Variants in ARHGEF10L observed in about 807,000 individuals in gnomAD.
ARHGEF10L encodes the protein rho guanine nucleotide exchange factor 10-like protein.
In ARHGEF10L, 69 loss-of-function variants were observed where a neutral mutation model predicts 141.2. The observed-to-expected ratio is 0.49, with a 90% CI of 0.40 to 0.60. ARHGEF10L has a LOEUF of 0.60. Ranked by LOEUF, ARHGEF10L falls within the 20% of genes least tolerant of loss-of-function variation. The pLI, the probability that ARHGEF10L is intolerant of heterozygous loss-of-function variation, is 0.00. For missense variants in ARHGEF10L, 1,482 were observed against 1,734.3 expected (o/e 0.85, Z 2.58); for synonymous variants, 711 against 718.5 (o/e 0.99, Z 0.17).
At chr1:17,590,586 T>A (rs906736802) in intron 4 of ARHGEF10L, among the ~76,000 whole-genome samples, 4 of 152,188 alleles carry the variant, frequency 2.6e-5, no homozygotes, top group Admixed American at 2.6e-4. Context: ...CCAAACCTCA[T>A]GGCTTAAGTG....
In ARHGEF10L at chr1:17,634,978, C is replaced by T; in HGVS notation, c.1889C>T (p.Ser630Leu). ...AAGGACAATGTGCTCATCCAGCACT[C>T]AGGCGCCAAGAAGGCCTCTGCCTCA... ...YDKDNVLIQH[S>L]GAKKASASGQ... Residue 630 changes from serine to leucine, a missense_variant, in exon 18 of 29, where the codon TCA becomes TTA. Physicochemically the swap from Ser to Leu is moderately radical, Grantham distance 145 (BLOSUM62 -2). Coordinates refer to ENST00000361221, the MANE Select transcript of ARHGEF10L (RefSeq NM_018125.4). 1 of 1,614,090 alleles carries T rather than the reference C, an allele frequency of 6.2e-7. No homozygotes were observed. The highest frequency in any genetic ancestry group is 8.5e-7 in the Non-Finnish European group (1 of 1,179,966).
chr1:17,648,250 C>A (rs74061906), intron 21 of ARHGEF10L, among the ~76,000 whole-genome samples: 2,845 of 152,334 alleles, frequency 0.019, 86 homozygotes, highest in African/African-American at 0.065. Flanking sequence ...GCATTTCTAG[C>A]ATTCCTATTT....
intron 15 of ARHGEF10L, 94 bp from the exon 16 acceptor site, chr1:17,632,227 T>C: frequency 6.6e-7 from 1 of 1,518,156 alleles, no homozygotes; most frequent in Non-Finnish European, 9.0e-7. Context: ...AGCCTCAGTC[T>C]CCCTTTCTGC....
chr1:17,527,756 G>A, the ARHGEF10L span, among the ~76,000 whole-genome samples: 2 of 151,880 alleles, frequency 1.3e-5, no homozygotes, highest in Non-Finnish European at 2.9e-5. Context: ...TTTCCAGTTA[G>A]CAGAAAAACT....
intron 25 of ARHGEF10L, among the ~76,000 whole-genome samples, chr1:17,663,394 A>G (rs1010702371): frequency 6.6e-6 from 1 of 152,138 alleles, no homozygotes; most frequent in Non-Finnish European, 1.5e-5. Context: ...TCTACTAAAA[A>G]TACAAAAAAT....
At chr1:17,530,782 A>C in the ARHGEF10L span, among the ~76,000 whole-genome samples, 4 of 152,024 alleles carry the variant, frequency 2.6e-5, no homozygotes, top group Non-Finnish European at 5.9e-5. Flanking sequence ...GGGGAGGCTG[A>C]GGTGGGTGGA....
intron 25 of ARHGEF10L, among the ~76,000 whole-genome samples, chr1:17,662,466 C>G (rs558697829): frequency 6.6e-6 from 1 of 152,342 alleles, no homozygotes; most frequent in Admixed American, 6.5e-5. Context: ...GACTGCCCTG[C>G]TCTGCCTGCT....
At chr1:17,643,571 C>T (rs1035060650) in intron 21 of ARHGEF10L, among the ~76,000 whole-genome samples, 1 of 152,236 alleles carries the variant, frequency 6.6e-6, no homozygotes, top group Admixed American at 6.5e-5. Flanking sequence ...TCCTCAGCAC[C>T]ATGGGAAATG....
At position 17,625,731 on chromosome 1, in the gene ARHGEF10L, C is replaced by T. The variant is rs1025132437; in HGVS notation, c.1318-225C>T. Among the ~76,000 whole-genome samples the T allele has an allele frequency of 4.6e-5, 7 of 152,200 alleles. No homozygotes were observed. Among genetic ancestry groups the T allele is most frequent in the Non-Finnish European group, 1.0e-4 (7 of 68,036 alleles). ...CTTTAGTTCAGAGACCTTAAGATGACTGCTTTAGTCTCCTGAGGGTGCGCG... is the reference window on the plus strand; with the variant it reads ...CTTTAGTTCAGAGACCTTAAGATGATTGCTTTAGTCTCCTGAGGGTGCGCG... On this transcript the variant is annotated intron_variant, in intron 13 of 28. Coordinates refer to ENST00000361221, the MANE Select transcript of ARHGEF10L (RefSeq NM_018125.4). The surrounding 1 kb of genome is among the most constrained non-coding windows in gnomAD (Gnocchi z 4.5).
chr1:17,697,120 G>T lies in ARHGEF10L; in HGVS notation c.3580G>T (p.Ala1194Ser), dbSNP rs1470947423. The T allele has an allele frequency of 4.3e-6, 7 of 1,610,462 alleles. No individual in the cohort carries two copies. The highest frequency in any genetic ancestry group is 5.9e-6 in the Non-Finnish European group (7 of 1,178,520). ...PGPLLSMREP[A>S]PADGAALEHS... is the part of the protein sequence containing the mutation. ...CCCGCTGCTCTCCATGCGGGAGCCGGCGCCTGCTGATGGCGCAGCTTTGGA... is the reference window on the plus strand; with the variant it reads ...CCCGCTGCTCTCCATGCGGGAGCCGTCGCCTGCTGATGGCGCAGCTTTGGA... Residue 1194 changes from alanine (A) to serine (S), a missense_variant, in exon 29 of 29, where the codon GCG becomes TCG. Physicochemically the swap from Ala to Ser is moderately conservative, Grantham distance 99. Coordinates refer to ENST00000361221, the MANE Select transcript of ARHGEF10L (RefSeq NM_018125.4). The surrounding 1 kb of genome is among the most constrained non-coding windows in gnomAD (Gnocchi z 4.8).
chr1:17,581,977 C>T (rs2078610283), intron 2 of ARHGEF10L, among the ~76,000 whole-genome samples: 1 of 152,106 alleles, frequency 6.6e-6, no homozygotes, highest in South Asian at 2.1e-4. Context: ...CTTGTATTTT[C>T]TCACAAGGAC....
chr1:17,563,411 T>C (rs1557711375), intron 1 of ARHGEF10L, among the ~76,000 whole-genome samples: 1 of 152,032 alleles, frequency 6.6e-6, no homozygotes, highest in Non-Finnish European at 1.5e-5. Flanking sequence ...ATTTTTGTAT[T>C]TTTTGTAGAC....
rs993415284 is a variant in ARHGEF10L, at chr1:17,598,691, G to A, written c.258-3436G>A. On this transcript the variant is annotated intron_variant, in intron 4 of 28. Transcript: ENST00000361221. ...AACACATGGACTTTTTTTGTCAGGGGAACACAGACATTCATACCATAGCAG... is the reference window on the plus strand; with the variant it reads ...AACACATGGACTTTTTTTGTCAGGGAAACACAGACATTCATACCATAGCAG... Among the ~76,000 whole-genome samples, 7 of 152,062 alleles carry A rather than the reference G, an allele frequency of 4.6e-5. No individual in the cohort carries two copies. The East Asian group carries it at 1.3e-3, about 29-fold the overall frequency.
intron 1 of ARHGEF10L, among the ~76,000 whole-genome samples, chr1:17,564,362 G>A (rs550934913): frequency 1.3e-5 from 2 of 152,304 alleles, no homozygotes; most frequent in East Asian, 1.9e-4. Flanking sequence ...GGGCAGTGCC[G>A]CTGCAACACT....
intron 15 of ARHGEF10L, among the ~76,000 whole-genome samples, chr1:17,631,279 A>G (rs2060673864): frequency 6.6e-6 from 1 of 152,148 alleles, no homozygotes; most frequent in Non-Finnish European, 1.5e-5. Context: ...CCAGAAAAAA[A>G]TCCCCTTTAG....
intron 26 of ARHGEF10L, 22 bp from the exon 27 acceptor site, chr1:17,687,551 C>T (rs908052683): frequency 1.9e-6 from 3 of 1,611,768 alleles, no homozygotes; most frequent in African/African-American, 1.3e-5. Flanking sequence ...CCAGTATCGA[C>T]ACTCCTCCCT....
chr1:17,612,985 G>A (rs2059625168), intron 7 of ARHGEF10L, 73 bp from the exon 8 acceptor site: 1 of 1,030,502 alleles, frequency 9.7e-7, no homozygotes, highest in Non-Finnish European at 1.5e-6. Context: ...CCTGTTGTCT[G>A]TGTTTTGTCT....
In ARHGEF10L at chr1:17,634,892, G is replaced by C. The variant is rs2060909697; in HGVS notation, c.1803G>C (p.Trp601Cys). Residue 601 changes from tryptophan (W) to cysteine (C), a missense_variant, in exon 18 of 29, where the codon TGG becomes TGC. Around this residue, in one of 3 missense-constraint regions of ARHGEF10L, gnomAD observed 858 missense variants for 966.3 expected, o/e 0.89. Transcript: ENST00000361221. ...TGGGGCCCAAGTATGTGGTGAAGTG[G>C]AACACGGCGCTGCCCCAGGTGCAGG... ...VPLGPKYVVK[W>C]NTALPQVQVV... The C allele has an allele frequency of 6.2e-7, 1 of 1,614,112 alleles. No individual in the cohort carries two copies. Among genetic ancestry groups the C allele is most frequent in the Non-Finnish European group, 8.5e-7 (1 of 1,179,970 alleles).
At position 17,613,187 on chromosome 1, in the gene ARHGEF10L, T is replaced by C; in HGVS notation, c.726+13T>C. On this transcript the variant is annotated intron_variant, in intron 8 of 28. Coordinates refer to ENST00000361221, the MANE Select transcript of ARHGEF10L (RefSeq NM_018125.4). Reference sequence around the variant, plus strand: ...GTACGATTGTAAGGTATTGTCTGTCTGTCCCCTCAAGCCCTGGATGGGGGC... The same window carrying C: ...GTACGATTGTAAGGTATTGTCTGTCCGTCCCCTCAAGCCCTGGATGGGGGC... 1 of 1,604,820 alleles carries C rather than the reference T, an allele frequency of 6.2e-7. No individual in the cohort carries two copies. The highest frequency in any genetic ancestry group is 8.5e-7 in the Non-Finnish European group (1 of 1,172,296).
Sources: gnomAD v4.1 joint callset for allele counts (sites outside exome capture counted in the v4.1 genomes callset) on GRCh38, gnomAD v4.1.1 for gene constraint, gnomAD v4.1.1 regional missense constraint, Gnocchi (gnomAD v3.1) non-coding constraint, MANE v1.5 for transcripts, NCBI Gene and HGNC (gene_info 2026-07-23, HGNC 2026-07-21) for gene names.